CSMD1: variants seen among roughly 807,000 people sequenced by gnomAD.
The protein encoded by CSMD1 is CUB and Sushi multiple domains 1, also known as CUB and sushi domain-containing protein 1.
Under a neutral mutation model 417.5 loss-of-function variants are expected in CSMD1, and 213 were observed. The observed-to-expected ratio is 0.51, with a 90% CI of 0.46 to 0.57. CSMD1 has a LOEUF of 0.57. CSMD1 is among the 20% of genes least tolerant of loss of function. CSMD1 has a pLI of 0.00. For missense variants in CSMD1, 6,923 were observed against 4,529.7 expected (o/e 1.53, Z -15.17); for synonymous variants, 2,862 against 1,736.8 (o/e 1.65, Z -16.11).
intron 3 of CSMD1, among the ~76,000 whole-genome samples, chr8:4,365,371 C>T (rs1168285917): frequency 6.6e-6 from 1 of 152,120 alleles, no homozygotes. Flanking sequence ...CATTTTTTCA[C>T]ATTTCTGTAT....
rs754786835 is a variant in CSMD1, at chr8:3,307,758, G to A, written c.3887C>T (p.Ala1296Val). ...GCAGTGGAGGTTGTTGTCATACGGA[G>A]CTGGATAGCCAGGGGACAATATTCG... is the stretch of plus-strand genomic sequence containing the variant. ...SGRILSPGYPAPYDNNLHCTW... is the reference protein window; with the variant it reads ...SGRILSPGYPVPYDNNLHCTW... The change falls in exon 25 of 70, where the codon GCT becomes GTT. Residue 1296 changes from alanine (A) to valine (V), a missense_variant. Physicochemically the swap from Ala to Val is moderately conservative, Grantham distance 64. Coordinates refer to ENST00000635120, the MANE Select transcript of CSMD1 (RefSeq NM_033225.6). The A allele has an allele frequency of 3.1e-6, 5 of 1,613,600 alleles. No homozygotes were observed. In the Admixed American group the frequency reaches 5.0e-5, roughly 16 times the overall value.
chr8:4,166,004 G>C (rs552217140), intron 3 of CSMD1, among the ~76,000 whole-genome samples: 3 of 152,278 alleles, frequency 2.0e-5, no homozygotes, highest in South Asian at 2.1e-4. Flanking sequence ...TTATGGGACT[G>C]TACATCTCTT....
intron 7 of CSMD1, among the ~76,000 whole-genome samples, chr8:3,629,285 G>C (rs1178510546): frequency 6.9e-6 from 1 of 145,752 alleles, no homozygotes; most frequent in Non-Finnish European, 1.5e-5. Flanking sequence ...GATGCTTAAT[G>C]GAAAGCAGAG....
chr8:4,834,849 T>C lies in CSMD1; in HGVS notation c.85+159483A>G, dbSNP rs375515390. 7.3e-4 allele frequency among the ~76,000 whole-genome samples: 106 copies of C among 144,840 alleles called. No individual in the cohort carries two copies. The East Asian group carries it at 0.013, about 18-fold the overall frequency. On this transcript the variant is annotated intron_variant, in intron 1 of 69. Transcript: ENST00000635120. ...GTGGGCGCCTGTAATCCCAGCTACTTGGGAGGCTGAGGCAGGAGAAAGGCG... is the reference window on the plus strand; with the variant it reads ...GTGGGCGCCTGTAATCCCAGCTACTCGGGAGGCTGAGGCAGGAGAAAGGCG...
At chr8:3,738,019 G>A (rs956484089) in intron 6 of CSMD1, among the ~76,000 whole-genome samples, 1 of 152,130 alleles carries the variant, frequency 6.6e-6, no homozygotes, top group Non-Finnish European at 1.5e-5. Flanking sequence ...AAGTGAAAAG[G>A]GGCCATGTCT....
At chr8:3,846,148 G>T (rs1473498260) in intron 5 of CSMD1, among the ~76,000 whole-genome samples, 2 of 152,066 alleles carry the variant, frequency 1.3e-5, no homozygotes, top group Non-Finnish European at 2.9e-5. Flanking sequence ...TTATGATCAG[G>T]ATCAAGCATT....
At chr8:4,794,431 G>C (rs1280396528) in intron 1 of CSMD1, among the ~76,000 whole-genome samples, 2 of 152,104 alleles carry the variant, frequency 1.3e-5, no homozygotes, top group Admixed American at 6.6e-5. Flanking sequence ...ATTTATGACA[G>C]CATTTAAAAC....
intron 3 of CSMD1, among the ~76,000 whole-genome samples, chr8:4,187,662 G>A (rs988936367): frequency 5.7e-4 from 44 of 77,214 alleles, no homozygotes; most frequent in African/African-American, 2.3e-3. Context: ...GGCAACAAGA[G>A]TGAAACTCCG....
At chr8:3,027,274 C>A (rs975253657) in intron 51 of CSMD1, among the ~76,000 whole-genome samples, 1 of 152,158 alleles carries the variant, frequency 6.6e-6, no homozygotes, top group Non-Finnish European at 1.5e-5. Flanking sequence ...ACACTGCATT[C>A]CCTGGTGTGG....
intron 1 of CSMD1, among the ~76,000 whole-genome samples, chr8:4,992,827 C>T (rs1042400968): frequency 7.9e-5 from 12 of 152,214 alleles, no homozygotes; most frequent in African/African-American, 2.7e-4. Context: ...GCTCCCCAGT[C>T]CCGAGCGACC....
At chr8:3,653,970 C>T (rs1797982385) in intron 7 of CSMD1, among the ~76,000 whole-genome samples, 1 of 152,162 alleles carries the variant, frequency 6.6e-6, no homozygotes, top group African/African-American at 2.4e-5. Context: ...ACTGTTGTCA[C>T]ATAGAAAATG....
At chr8:3,110,039 T>G in intron 43 of CSMD1, 119 bp downstream of exon 43, 5 of 849,562 alleles carry the variant, frequency 5.9e-6, no homozygotes, top group Non-Finnish European at 8.7e-6. Flanking sequence ...GGTGAATTTC[T>G]TCTCTAGTAT....
At chr8:3,164,068 C>T (rs759179466) in intron 37 of CSMD1, among the ~76,000 whole-genome samples, 1 of 152,140 alleles carries the variant, frequency 6.6e-6, no homozygotes, top group South Asian at 2.1e-4. Flanking sequence ...ATCCCAAATC[C>T]TTCACCAGCT....
chr8:4,805,175 C>T (rs934611031), intron 1 of CSMD1, among the ~76,000 whole-genome samples: 3 of 152,086 alleles, frequency 2.0e-5, no homozygotes, highest in African/African-American at 7.2e-5. Context: ...TCAGTTTACT[C>T]GTTTGTATAG....
At chr8:2,994,838 C>T (rs1034170866) in intron 54 of CSMD1, among the ~76,000 whole-genome samples, 1 of 152,002 alleles carries the variant, frequency 6.6e-6, no homozygotes, top group Admixed American at 6.6e-5. Context: ...CATATTAAAA[C>T]CAATATCTCT....
chr8:3,785,856 G>C, intron 5 of CSMD1, among the ~76,000 whole-genome samples: 1 of 152,182 alleles, frequency 6.6e-6, no homozygotes, highest in Middle Eastern at 3.2e-3. Flanking sequence ...GGGAAGTAGA[G>C]CAATTAAAGA....
intron 49 of CSMD1, among the ~76,000 whole-genome samples, chr8:3,086,784 C>T (rs543110922): frequency 6.6e-6 from 1 of 152,060 alleles, no homozygotes; most frequent in African/African-American, 2.4e-5. Flanking sequence ...TAAATTAATA[C>T]AATGGTAAAG....
At chr8:4,601,953 A>G (rs1409245686) in intron 2 of CSMD1, among the ~76,000 whole-genome samples, 1 of 152,178 alleles carries the variant, frequency 6.6e-6, no homozygotes, top group Non-Finnish European at 1.5e-5. Flanking sequence ...CAGGTGCTGG[A>G]GGAACCTCCT....
At chr8:4,001,986 G>C (rs936467422) in intron 4 of CSMD1, among the ~76,000 whole-genome samples, 3 of 152,090 alleles carry the variant, frequency 2.0e-5, no homozygotes, top group South Asian at 2.1e-4. Flanking sequence ...GTTACAGTTA[G>C]AATCAGGCCA....
Sources: gnomAD v4.1 joint callset for allele counts (sites outside exome capture counted in the v4.1 genomes callset) on GRCh38, gnomAD v4.1.1 for gene constraint, MANE v1.5 for transcripts, NCBI Gene and HGNC (gene_info 2026-07-23, HGNC 2026-07-21) for gene names.